PPP2CA: variants seen among roughly 807,000 people sequenced by gnomAD.
PPP2CA encodes the protein protein phosphatase 2 catalytic subunit alpha.
PPP2CA carries 5 observed loss-of-function variants against 38.8 expected under a neutral mutation model. The ratio of observed to expected loss-of-function variants is 0.13; its 90% CI spans 0.07 to 0.27. The LOEUF is 0.27. PPP2CA is among the 10% of genes least tolerant of loss of function. The pLI is 1.00. For synonymous variants in PPP2CA, 152 were observed against 134.0 expected, an observed-to-expected ratio of 1.13 and a Z score of -0.93; for missense variants, 88 against 389.7, an observed-to-expected ratio of 0.23 and a Z score of 6.52.
At chr5:134,204,011 T>C (rs1275710350) in intron 2 of PPP2CA, among the ~76,000 whole-genome samples, 2 of 152,206 alleles carry the variant, frequency 1.3e-5, no homozygotes, top group East Asian at 1.9e-4. Context: ...GCTCTTTTCA[T>C]AGTATTTGGA....
chr5:134,218,402 A>T lies in PPP2CA; in HGVS notation c.102+7358T>A, dbSNP rs893557659. Among the ~76,000 whole-genome samples the T allele has an allele frequency of 2.0e-5, 3 of 152,304 alleles. No homozygotes were observed. The East Asian group carries it at 5.8e-4, about 29-fold the overall frequency. ...CCTTTGCCTCTGACCAAAAGGAAAG[A>T]TCCTTAAAGCCCTATGTCTCATATG... On this transcript the variant is annotated intron_variant, in intron 1 of 6. Coordinates refer to ENST00000481195, the MANE Select transcript of PPP2CA (RefSeq NM_002715.4).
intron 1 of PPP2CA, among the ~76,000 whole-genome samples, chr5:134,209,984 A>G (rs765336491): frequency 2.2e-4 from 33 of 152,234 alleles, no homozygotes; most frequent in South Asian, 8.3e-4. Context: ...AGGCTGAGCT[A>G]GGAGAATCGC....
At chr5:134,222,663 C>A (rs1216163940) in intron 1 of PPP2CA, among the ~76,000 whole-genome samples, 5 of 152,110 alleles carry the variant, frequency 3.3e-5, no homozygotes, top group Non-Finnish European at 7.4e-5. Flanking sequence ...TTACTGTAGT[C>A]AATGCAAAAG....
In PPP2CA at chr5:134,202,978, T is replaced by C. The variant is rs78870314; in HGVS notation, c.313-957A>G. On this transcript the variant is annotated intron_variant, in intron 2 of 6. Coordinates refer to ENST00000481195, the MANE Select transcript of PPP2CA (RefSeq NM_002715.4). The stretch of plus-strand genomic sequence containing the variant: ...TGCATTTCCCTGATTACAATTGATA[T>C]CAAGCATCTTTTCATGTGCTCACTG... 8.4e-3 allele frequency among the ~76,000 whole-genome samples: 1,287 copies of C among 152,362 alleles called. 24 individuals are homozygous for C. The highest frequency in any genetic ancestry group is 0.03 in the African/African-American group (1,232 of 41,586).
chr5:134,219,334 A>G (rs1179364215), intron 1 of PPP2CA, among the ~76,000 whole-genome samples: 1 of 152,258 alleles, frequency 6.6e-6, no homozygotes, highest in African/African-American at 2.4e-5. Flanking sequence ...TGGTTCCAAA[A>G]TCAAATGTAC....
At chr5:134,225,587 G>C (rs964964309) in intron 1 of PPP2CA, 173 bp downstream of exon 1, 10 of 523,798 alleles carry the variant, frequency 1.9e-5, no homozygotes, top group Non-Finnish European at 3.3e-5. Flanking sequence ...CTGCGCGGGA[G>C]GCAGGGGGCG....
At chr5:134,198,411 A>C (rs1412973068) in intron 6 of PPP2CA, among the ~76,000 whole-genome samples, 1 of 130,136 alleles carries the variant, frequency 7.7e-6, no homozygotes, top group Non-Finnish European at 1.7e-5. Context: ...AACAAACAAC[A>C]AAAAAACACA....
At chr5:134,220,456 C>CAAAAAAAA (rs10649430) in intron 1 of PPP2CA, among the ~76,000 whole-genome samples, 3,314 of 53,780 alleles carry the variant, frequency 0.062, 648 homozygotes, top group Non-Finnish European at 0.069. Context: ...GACTCTATCT[C>CAAAAAAAA]AAAAAAAAAA....
At chr5:134,211,809 C>T (rs552402793) in intron 1 of PPP2CA, among the ~76,000 whole-genome samples, 1 of 152,082 alleles carries the variant, frequency 6.6e-6, no homozygotes, top group East Asian at 1.9e-4. Context: ...GAACCAACAA[C>T]AGATTCACTA....
intron 2 of PPP2CA, 28 bp from the exon 3 acceptor site, chr5:134,202,049 C>G (rs1355621535): frequency 1.3e-6 from 2 of 1,539,338 alleles, no homozygotes; most frequent in Admixed American, 2.4e-5. Flanking sequence ...AAAACATAAA[C>G]AACTAGCTCT....
intron 1 of PPP2CA, among the ~76,000 whole-genome samples, chr5:134,225,182 T>C (rs940666391): frequency 6.6e-6 from 1 of 152,118 alleles, no homozygotes; most frequent in African/African-American, 2.4e-5. Context: ...AGAGAATAAT[T>C]TAAAAATTCT....
intron 1 of PPP2CA, among the ~76,000 whole-genome samples, chr5:134,207,030 T>C (rs1180359340): frequency 6.6e-6 from 1 of 152,216 alleles, no homozygotes; most frequent in East Asian, 1.9e-4. Context: ...CAGAGAATTG[T>C]TGCTAATGAG....
At chr5:134,215,832 T>G (rs755480103) in intron 1 of PPP2CA, among the ~76,000 whole-genome samples, 19 of 152,168 alleles carry the variant, frequency 1.2e-4, no homozygotes, top group Non-Finnish European at 2.2e-4. Flanking sequence ...CAGATAACAT[T>G]TCCTGAACAA....
chr5:134,204,905 A>T (rs892156022), intron 2 of PPP2CA, among the ~76,000 whole-genome samples: 10 of 151,578 alleles, frequency 6.6e-5, no homozygotes, highest in Non-Finnish European at 1.3e-4. Context: ...TTCTCAGAAA[A>T]ATTCTTTTTT....
intron 1 of PPP2CA, among the ~76,000 whole-genome samples, chr5:134,212,554 C>G (rs535768370): frequency 6.6e-6 from 1 of 152,278 alleles, no homozygotes; most frequent in Admixed American, 6.5e-5. Context: ...CAATTAATAA[C>G]CCTACAATGG....
rs1762572187 is a variant in PPP2CA at position 134,225,955 on chromosome 5, G to C, written c.-94C>G. ...ACGCACACGCCGCCGCCGGTTCCTC[G>C]TGTACTTCTGGCGGCTGTTGAGGCT... On this transcript the variant is annotated 5_prime_UTR_variant, in exon 1 of 7. Coordinates refer to ENST00000481195, the MANE Select transcript of PPP2CA (RefSeq NM_002715.4). 8.4e-7 allele frequency: 1 copy of C among 1,188,450 alleles called. No homozygotes were observed. Among genetic ancestry groups the C allele is most frequent in the Non-Finnish European group, 1.2e-6 (1 of 836,604 alleles). The allele number at this position is 1,188,450 out of a possible 1,614,324, so 73.6% of individuals were successfully genotyped here. A position where few individuals can be genotyped will look rare whatever the true frequency, so the allele number is the denominator to read the frequency against.
chr5:134,223,737 C>T (rs958862097), intron 1 of PPP2CA, among the ~76,000 whole-genome samples: 1 of 152,210 alleles, frequency 6.6e-6, no homozygotes, highest in African/African-American at 2.4e-5. Context: ...CCTCTACTTC[C>T]ATGCTCCATC....
At chr5:134,204,937 A>AG (rs1554112579) in intron 2 of PPP2CA, among the ~76,000 whole-genome samples, 2 of 138,710 alleles carry the variant, frequency 1.4e-5, no homozygotes, top group African/African-American at 5.4e-5. Context: ...CTTCCTCGAT[A>AG]TTTTTTTTTT....
chr5:134,221,146 C>T (rs1762433129), intron 1 of PPP2CA, among the ~76,000 whole-genome samples: 1 of 152,204 alleles, frequency 6.6e-6, no homozygotes, highest in African/African-American at 2.4e-5. Flanking sequence ...GGGTCTCCCT[C>T]TGTCGCCCAG....
Sources: gnomAD v4.1 joint callset for allele counts (sites outside exome capture counted in the v4.1 genomes callset) on GRCh38, gnomAD v4.1.1 for gene constraint, MANE v1.5 for transcripts, NCBI Gene and HGNC (gene_info 2026-07-23, HGNC 2026-07-21) for gene names.